Variants in LONP2 observed in about 807,000 individuals in gnomAD.
LONP2 encodes lon peptidase 2, peroxisomal, also known as lon protease homolog 2, peroxisomal.
LONP2 carries 60 observed loss-of-function variants against 85.6 expected under a neutral mutation model. That is an observed-to-expected ratio of 0.70 (90% CI 0.57 to 0.87). The LOEUF (loss-of-function observed/expected upper bound fraction) is 0.87, where lower values mean the gene tolerates loss of function less well. Ranked by LOEUF, LONP2 falls within the 40% of genes least tolerant of loss-of-function variation. LONP2 has a pLI of 0.00. For missense variants in LONP2, 860 were observed against 1,063.5 expected (o/e 0.81, Z 2.66); for synonymous variants, 395 against 389.7 (o/e 1.01, Z -0.16).
intron 11 of LONP2, among the ~76,000 whole-genome samples, chr16:48,305,209 G>T (rs1041697168): frequency 4.6e-5 from 7 of 152,060 alleles, no homozygotes; most frequent in Non-Finnish European, 1.0e-4. Context: ...AGTTCTAATT[G>T]TATTTTATCC....
intron 8 of LONP2, among the ~76,000 whole-genome samples, chr16:48,280,401 C>G (rs562509345): frequency 6.6e-6 from 1 of 152,266 alleles, no homozygotes; most frequent in South Asian, 2.1e-4. Context: ...ATTAAGTCCC[C>G]TGTTTATTTG....
intron 6 of LONP2, among the ~76,000 whole-genome samples, chr16:48,268,423 T>C (rs887423566): frequency 1.3e-5 from 2 of 152,136 alleles, no homozygotes. Flanking sequence ...TACAAGATGA[T>C]ATTTTGATGG....
intron 11 of LONP2, among the ~76,000 whole-genome samples, chr16:48,329,337 G>A (rs1959362713): frequency 6.6e-6 from 1 of 152,168 alleles, no homozygotes; most frequent in Non-Finnish European, 1.5e-5. Context: ...TGGACAGGAA[G>A]CCTCTCTTTG....
rs548224741 is a variant in LONP2, at chr16:48,244,915, C to T, written c.233+294C>T. 1.3e-4 allele frequency among the ~76,000 whole-genome samples: 20 copies of T among 152,310 alleles called. No homozygotes were observed. The East Asian group carries it at 3.7e-3, about 28-fold the overall frequency. ...CCCCCTCTCCGCAATTCCTCGCCCT[C>T]GGTCTTCAGCCTCCTAGGCCAGTGC... On this transcript the variant is annotated intron_variant, in intron 1 of 14. Coordinates refer to ENST00000285737, the MANE Select transcript of LONP2 (RefSeq NM_031490.5).
Position 48,334,267 on chromosome 16 carries a change from C to A in LONP2, c.1847C>A (p.Thr616Asn), listed in dbSNP as rs1567347611. The A allele has an allele frequency of 1.9e-6, 3 of 1,613,926 alleles. No homozygotes were observed. The highest frequency in any genetic ancestry group is 2.5e-6 in the Non-Finnish European group (3 of 1,179,792). ...EDEKPESISD[T>N]TDLALPPEMP... ...GAAAAACCTGAATCTATCAGTGACA[C>A]TACTGACTTGGCTCTACCACCTGAA... The change falls in exon 12 of 15, where the codon ACT becomes AAT. Residue 616 changes from threonine to asparagine, a missense_variant. Transcript: ENST00000285737.
Position 48,350,175 on chromosome 16 carries a change from T to C in LONP2, c.2338-1406T>C, listed in dbSNP as rs140794173. 4.4e-3 allele frequency among the ~76,000 whole-genome samples: 675 copies of C among 152,216 alleles called. 7 individuals are homozygous for C. The highest frequency in any genetic ancestry group is 0.015 in the African/African-American group (642 of 41,542). The stretch of plus-strand genomic sequence containing the variant: ...CCAAGGTGGGCGTATCACTTGAGGT[T>C]AGGAGTTTGAGACCAGCCTGGCCAA... On this transcript the variant is annotated intron_variant, in intron 14 of 14. Transcript: ENST00000285737.
At chr16:48,334,622 G>C in intron 12 of LONP2, 1 of 629,576 alleles carries the variant, frequency 1.6e-6, no homozygotes, top group Admixed American at 2.2e-5. Context: ...GGAAGGCTCC[G>C]TAATGCCACC....
chr16:48,343,523 C>G (rs1286706161), intron 12 of LONP2, among the ~76,000 whole-genome samples: 1 of 151,812 alleles, frequency 6.6e-6, no homozygotes, highest in Non-Finnish European at 1.5e-5. Context: ...ATTGTGAAAC[C>G]CCCGTCTCTA....
chr16:48,303,843 G>A (rs1972858611), intron 11 of LONP2, among the ~76,000 whole-genome samples: 1 of 152,202 alleles, frequency 6.6e-6, no homozygotes, highest in Non-Finnish European at 1.5e-5. Context: ...GAAGCATCCA[G>A]CACGGGAGAA....
At chr16:48,279,963 A>G (rs1023700456) in intron 8 of LONP2, among the ~76,000 whole-genome samples, 3 of 152,128 alleles carry the variant, frequency 2.0e-5, no homozygotes, top group African/African-American at 7.2e-5. Context: ...GCACATTCCC[A>G]GTTTATGCCT....
intron 12 of LONP2, chr16:48,334,803 C>T (rs976191119): frequency 5.6e-5 from 31 of 553,130 alleles, no homozygotes; most frequent in African/African-American, 4.6e-4. Context: ...TCACTGGGCT[C>T]GACCTCAAGG....
At chr16:48,280,239 A>T (rs1019425301) in intron 8 of LONP2, among the ~76,000 whole-genome samples, 39 of 152,152 alleles carry the variant, frequency 2.6e-4, no homozygotes, top group Non-Finnish European at 5.4e-4. Context: ...ATATTGGGAC[A>T]TTTTTTCAGG....
chr16:48,295,198 C>G (rs896479235), intron 8 of LONP2, among the ~76,000 whole-genome samples: 1 of 152,200 alleles, frequency 6.6e-6, no homozygotes, highest in Non-Finnish European at 1.5e-5. Flanking sequence ...ATGGTGAAAC[C>G]CCATCTCTAC....
intron 9 of LONP2, among the ~76,000 whole-genome samples, chr16:48,296,739 A>C (rs1309455422): frequency 6.6e-6 from 1 of 151,834 alleles, no homozygotes; most frequent in East Asian, 1.9e-4. Context: ...AAAAAAAAAA[A>C]AAGAGTAACT....
At chr16:48,274,343 CT>C (rs1186181354) in intron 7 of LONP2, among the ~76,000 whole-genome samples, 2 of 152,070 alleles carry the variant, frequency 1.3e-5, no homozygotes, top group African/African-American at 4.8e-5. Context: ...TATCGTCTAT[CT>C]CCTTTATGTA....
intron 11 of LONP2, among the ~76,000 whole-genome samples, chr16:48,332,073 C>T (rs571307847): frequency 6.6e-6 from 1 of 152,226 alleles, no homozygotes; most frequent in South Asian, 2.1e-4. Context: ...AATCCCTCAC[C>T]CAGAAGTTCA....
chr16:48,337,954 T>A (rs1485481645), intron 12 of LONP2, among the ~76,000 whole-genome samples: 2 of 152,104 alleles, frequency 1.3e-5, no homozygotes. Flanking sequence ...AGGCGTGTGC[T>A]ACCATACCCA....
In LONP2 at chr16:48,258,715, A is replaced by G. The variant is rs555106386; in HGVS notation, c.698A>G (p.Lys233Arg). The G allele has an allele frequency of 1.9e-4, 308 of 1,611,984 alleles. 6 individuals are homozygous for G. The South Asian group carries it at 3.1e-3, about 16-fold the overall frequency. ...EGLKLLQKTR[K>R]PKQDDDKRVI... ...CTGAAATTGCTTCAAAAAACCAGAA[A>G]ACCCAAGCAAGATGATGATAAGAGG... is the stretch of plus-strand genomic sequence containing the variant. The change falls in exon 4 of 15, where the codon AAA becomes AGA. Residue 233 changes from lysine (K) to arginine (R), a missense_variant. Physicochemically the swap from Lys to Arg is conservative, Grantham distance 26 (BLOSUM62 2). Around this residue, in one of 3 missense-constraint regions of LONP2, gnomAD observed 743 missense variants for 917.3 expected, o/e 0.81. Coordinates refer to ENST00000285737, the MANE Select transcript of LONP2 (RefSeq NM_031490.5).
chr16:48,330,731 A>G (rs1423158850), intron 11 of LONP2, among the ~76,000 whole-genome samples: 1 of 152,128 alleles, frequency 6.6e-6, no homozygotes, highest in Admixed American at 6.5e-5. Flanking sequence ...GGCTGACACC[A>G]TTTTCTTGAC....
Sources: gnomAD v4.1 joint callset for allele counts (sites outside exome capture counted in the v4.1 genomes callset) on GRCh38, gnomAD v4.1.1 for gene constraint, gnomAD v4.1.1 regional missense constraint, MANE v1.5 for transcripts, NCBI Gene and HGNC (gene_info 2026-07-23, HGNC 2026-07-21) for gene names.